The following DDX42 variants were observed in gnomAD, a reference collection of about 807,000 sequenced individuals.
DDX42 encodes ATP-dependent RNA helicase DDX42.
Under a neutral mutation model 101.5 loss-of-function variants are expected in DDX42, and 22 were observed. The ratio of observed to expected loss-of-function variants is 0.22; its 90% CI spans 0.15 to 0.31. The LOEUF (loss-of-function observed/expected upper bound fraction) is 0.31, where lower values mean the gene tolerates loss of function less well. Ranked by LOEUF, DDX42 falls within the 10% of genes least tolerant of loss-of-function variation. The probability of loss-of-function intolerance (pLI) is 1.00; values close to 1 mark genes in which losing one functional copy is unlikely to be tolerated. For missense variants in DDX42, 849 were observed against 1,199.9 expected (o/e 0.71, Z 4.32); for synonymous variants, 402 against 401.2 (o/e 1.00, Z -0.02).
At chr17:63,810,251 ATTTT>A (rs11450730) in intron 11 of DDX42, 26 of 121,218 alleles carry the variant, frequency 2.1e-4, no homozygotes, top group South Asian at 6.7e-4. Context: ...CAGCCTGGCT[ATTTT>A]TTTTTTTTTT....
chr17:63,781,447 G>A (rs1203994791), intron 1 of DDX42, among the ~76,000 whole-genome samples: 1 of 151,982 alleles, frequency 6.6e-6, no homozygotes, highest in Non-Finnish European at 1.5e-5. Flanking sequence ...TTGATCTCCT[G>A]ACCTTGTGAT....
At chr17:63,804,922 C>A in intron 6 of DDX42, 149 bp from the exon 7 acceptor site, 2 of 930,308 alleles carry the variant, frequency 2.1e-6, no homozygotes, top group Non-Finnish European at 3.1e-6. Flanking sequence ...TTTTTAGGAT[C>A]TAAGCTGAGA....
chr17:63,781,041 C>T (rs2039481648), intron 1 of DDX42, among the ~76,000 whole-genome samples: 1 of 152,092 alleles, frequency 6.6e-6, no homozygotes, highest in African/African-American at 2.4e-5. Flanking sequence ...TAATGCTTCA[C>T]TTTCTCCTTC....
chr17:63,806,460 G>T, intron 7 of DDX42, 75 bp from the exon 8 acceptor site: 2 of 1,473,886 alleles, frequency 1.4e-6, no homozygotes, highest in South Asian at 1.4e-5. Context: ...GCTAGATCCA[G>T]GTAAGTATTG....
chr17:63,780,962 C>G (rs910766232), intron 1 of DDX42, among the ~76,000 whole-genome samples: 1 of 152,140 alleles, frequency 6.6e-6, no homozygotes, highest in African/African-American at 2.4e-5. Flanking sequence ...GTTTTTCAGA[C>G]TTTACTGGTT....
chr17:63,788,736 A>G (rs1158683991), intron 2 of DDX42, among the ~76,000 whole-genome samples: 1 of 152,218 alleles, frequency 6.6e-6, no homozygotes, highest in East Asian at 1.9e-4. Context: ...ACTTGCTGAT[A>G]TAATAATGTG....
At chr17:63,778,788 G>A (rs1020970002) in intron 1 of DDX42, among the ~76,000 whole-genome samples, 8 of 152,170 alleles carry the variant, frequency 5.3e-5, no homozygotes, top group East Asian at 3.9e-4. Context: ...CTATGGGTGC[G>A]CGCCATCACG....
At position 63,819,224 on chromosome 17, in the gene DDX42, A is replaced by G. The variant is rs917056764; in HGVS notation, c.*826A>G. The G allele has an allele frequency of 6.5e-6, 1 of 152,690 alleles. No homozygotes were observed. The highest frequency in any genetic ancestry group is 1.5e-5 in the Non-Finnish European group (1 of 68,066). 9.5% of individuals were successfully genotyped at this position (152,690 alleles called of 1,614,324 possible). On this transcript the variant is annotated 3_prime_UTR_variant, in exon 18 of 18. Coordinates refer to ENST00000389924, the MANE Select transcript of DDX42 (RefSeq NM_203499.3). The stretch of plus-strand genomic sequence containing the variant: ...TTATCGTTTATAAAAAGGAAAAGAA[A>G]TATACAAACTTTGACTTTTGTGACT...
Position 63,813,433 on chromosome 17 carries a change from A to G in DDX42, c.1881A>G (p.Glu627=). 6.2e-7 allele frequency: 1 copy of G among 1,613,726 alleles called. No individual in the cohort carries two copies. ...LEGANQHVSK[E]LLDLAMQNAW... is the part of the protein sequence containing the mutation. ...GAGCCAATCAACACGTTTCTAAGGAACTCCTAGATCTGGCAATGCAGGTGA... is the reference window on the plus strand; with the variant it reads ...GAGCCAATCAACACGTTTCTAAGGAGCTCCTAGATCTGGCAATGCAGGTGA... Residue 627 remains glutamate (E), a synonymous_variant, in exon 15 of 18, where the codon GAA becomes GAG. Transcript: ENST00000389924.
chr17:63,778,890 C>A lies in DDX42; in HGVS notation c.-17+4514C>A, dbSNP rs1357655211. Among the ~76,000 whole-genome samples, 4 of 152,196 alleles carry A rather than the reference C, an allele frequency of 2.6e-5. No homozygotes were observed. In the South Asian group the frequency reaches 8.3e-4, roughly 32 times the overall value. On this transcript the variant is annotated intron_variant, in intron 1 of 17. Coordinates refer to ENST00000389924, the MANE Select transcript of DDX42 (RefSeq NM_203499.3). ...TCCTGACCTTGTGATCCGTCCACCT[C>A]GGCCTCCCAATAATCAGAAATTTTT... is the stretch of plus-strand genomic sequence containing the variant.
chr17:63,804,840 C>G (rs1215446214), intron 6 of DDX42, among the ~76,000 whole-genome samples: 1 of 152,098 alleles, frequency 6.6e-6, no homozygotes, highest in Non-Finnish European at 1.5e-5. Flanking sequence ...CAGAGCGAAA[C>G]TGTCTCAACC....
At chr17:63,774,148 TCA>T (rs940725985), upstream of DDX42, 1 of 247,160 alleles carries the variant, frequency 4.0e-6, no homozygotes, top group Non-Finnish European at 7.7e-6. Flanking sequence ...CGCGCGTTCC[TCA>T]CTGCGCATGT....
At chr17:63,779,498 G>A (rs1410848420) in intron 1 of DDX42, among the ~76,000 whole-genome samples, 4 of 151,910 alleles carry the variant, frequency 2.6e-5, no homozygotes, top group African/African-American at 7.3e-5. Context: ...TCCTGAGCTC[G>A]AGCCATCCTC....
At chr17:63,817,610 T>C in intron 17 of DDX42, 84 bp from the exon 18 acceptor site, 1 of 1,360,132 alleles carries the variant, frequency 7.4e-7, no homozygotes, top group Non-Finnish European at 1.0e-6. Flanking sequence ...AGAGTTTCTG[T>C]AAACCTCATC....
At chr17:63,773,947 T>A (rs1463166652), upstream of DDX42, 2 of 183,534 alleles carry the variant, frequency 1.1e-5, no homozygotes, top group Admixed American at 1.2e-4. Context: ...ACCCGTTTTC[T>A]CTTGGGATTT....
intron 1 of DDX42, among the ~76,000 whole-genome samples, chr17:63,777,279 C>T (rs1158578625): frequency 6.6e-6 from 1 of 152,058 alleles, no homozygotes; most frequent in Non-Finnish European, 1.5e-5. Flanking sequence ...TCTCTTCAGC[C>T]TAGTTGTAGA....
intron 14 of DDX42, 112 bp from the exon 15 acceptor site, chr17:63,813,116 T>C (rs1353764883): frequency 1.0e-6 from 1 of 967,128 alleles, no homozygotes; most frequent in Non-Finnish European, 1.5e-6. Flanking sequence ...ACCAAACCCA[T>C]GCGCTTTGCC....
At chr17:63,776,336 T>G (rs1361701076) in intron 1 of DDX42, 2 of 152,354 alleles carry the variant, frequency 1.3e-5, no homozygotes, top group African/African-American at 4.8e-5. Flanking sequence ...CGTCTGCACG[T>G]CTCTACCCAG....
chr17:63,791,843 C>T (rs894041943), intron 2 of DDX42, among the ~76,000 whole-genome samples: 21 of 151,900 alleles, frequency 1.4e-4, no homozygotes, highest in Non-Finnish European at 2.4e-4. Context: ...GTAAGGAGTT[C>T]GAGACCAGCC....
Sources: allele counts gnomAD v4.1 joint callset (sites outside exome capture counted in the v4.1 genomes callset), GRCh38; gene constraint gnomAD v4.1.1; transcripts MANE v1.5; gene names NCBI Gene and HGNC (gene_info 2026-07-23, HGNC 2026-07-21).